The following HFM1 variants were observed in gnomAD, a reference collection of about 807,000 sequenced individuals.
The protein encoded by HFM1 is probable ATP-dependent DNA helicase HFM1.
A neutral mutation model predicts 192.1 loss-of-function variants in HFM1; 169 were observed. The ratio of observed to expected loss-of-function variants is 0.88; its 90% confidence interval spans 0.78 to 1.00. The LOEUF is 1.00. HFM1 is among the 50% of genes least tolerant of loss of function. The probability of loss-of-function intolerance (pLI) is 0.00; values close to 1 mark genes in which losing one functional copy is unlikely to be tolerated. For synonymous variants in HFM1, 525 were observed against 537.8 expected, an observed-to-expected ratio of 0.98 and a Z score of 0.33; for missense variants, 1,661 against 1,668.0, an observed-to-expected ratio of 1.00 and a Z score of 0.07.
chr1:91,373,514 T>G (rs2101946670), intron 13 of HFM1, among the ~76,000 whole-genome samples: 1 of 152,204 alleles, frequency 6.6e-6, no homozygotes, highest in Non-Finnish European at 1.5e-5. Context: ...CATGCTAAAT[T>G]GTAATCTCCA....
At chr1:91,265,876 T>C (rs1665715612) in intron 36 of HFM1, 141 bp downstream of exon 36, 1 of 1,126,040 alleles carries the variant, frequency 8.9e-7, no homozygotes. Context: ...CTTTGAGAAA[T>C]ACACCTCTAA....
chr1:91,407,181 G>C (rs1664843570), upstream of HFM1, among the ~76,000 whole-genome samples: 1 of 151,998 alleles, frequency 6.6e-6, no homozygotes, highest in Non-Finnish European at 1.5e-5. Context: ...TTCAGGGAGG[G>C]GAACTTCACA....
chr1:91,372,976 T>G (rs1473761040), intron 13 of HFM1, among the ~76,000 whole-genome samples: 2 of 152,124 alleles, frequency 1.3e-5, no homozygotes, highest in Non-Finnish European at 2.9e-5. Context: ...AAAGAACTAC[T>G]CTACATGCTT....
chr1:91,405,455 G>A (rs1034333965), upstream of HFM1, among the ~76,000 whole-genome samples: 2 of 152,196 alleles, frequency 1.3e-5, no homozygotes, highest in Non-Finnish European at 2.9e-5. Flanking sequence ...ACGAATCAAT[G>A]ATGCTTTTCT....
At chr1:91,272,266 A>G (rs945937668) in intron 34 of HFM1, among the ~76,000 whole-genome samples, 8 of 152,060 alleles carry the variant, frequency 5.3e-5, no homozygotes, top group African/African-American at 1.9e-4. Flanking sequence ...ACTTAGACAA[A>G]GTGGTTAAGT....
At chr1:91,287,112 T>C (rs1054023814) in intron 30 of HFM1, among the ~76,000 whole-genome samples, 1 of 152,144 alleles carries the variant, frequency 6.6e-6, no homozygotes, top group African/African-American at 2.4e-5. Flanking sequence ...CCAGGATTGC[T>C]TAGGTAAACA....
chr1:91,331,733 T>C (rs1653852468), intron 20 of HFM1, among the ~76,000 whole-genome samples: 1 of 152,004 alleles, frequency 6.6e-6, no homozygotes, highest in Non-Finnish European at 1.5e-5. Flanking sequence ...CTGTCTCTAG[T>C]AAAAATACAA....
intron 32 of HFM1, among the ~76,000 whole-genome samples, chr1:91,275,695 A>T (rs1367282848): frequency 6.6e-6 from 1 of 152,132 alleles, no homozygotes; most frequent in Non-Finnish European, 1.5e-5. Flanking sequence ...TCTACCTCTG[A>T]AAAATATTTT....
chr1:91,401,131 G>T, intron 1 of HFM1, 22 bp from the exon 2 acceptor site: 2 of 1,008,548 alleles, frequency 2.0e-6, no homozygotes, highest in East Asian at 2.9e-5. Context: ...GGAAAAAGTA[G>T]TTTATATTTT....
intron 6 of HFM1, 41 bp downstream of exon 6, chr1:91,385,145 TA>T (rs775812860): frequency 1.8e-6 from 2 of 1,123,158 alleles, no homozygotes; most frequent in Non-Finnish European, 2.6e-6. Flanking sequence ...AATTATGATT[TA>T]ATAAATACAA....
chr1:91,402,918 C>T (rs1664454199), intron 1 of HFM1, among the ~76,000 whole-genome samples: 1 of 152,142 alleles, frequency 6.6e-6, no homozygotes, highest in South Asian at 2.1e-4. Flanking sequence ...GTTGCATAAA[C>T]TGACAAAAAC....
rs1420293005 is a variant in HFM1, at chr1:91,400,684, A to G, written c.71+328T>C. On this transcript the variant is annotated intron_variant, in intron 2 of 38. Transcript: ENST00000370425. ...CTTTTAGTAGAGACAGGGTTTCACC[A>G]TGTTGGCTAGGCTGGTCTTGAACTC... Among the ~76,000 whole-genome samples the G allele has an allele frequency of 2.0e-5, 3 of 152,092 alleles. No homozygotes were observed. In the East Asian group the frequency reaches 5.8e-4, roughly 29 times the overall value.
At chr1:91,297,409 T>A (rs1460023438) in intron 30 of HFM1, among the ~76,000 whole-genome samples, 1 of 152,142 alleles carries the variant, frequency 6.6e-6, no homozygotes, top group Non-Finnish European at 1.5e-5. Flanking sequence ...TCTGCAGACT[T>A]AAATGTCCCT....
intron 13 of HFM1, among the ~76,000 whole-genome samples, chr1:91,357,172 T>A (rs1375104800): frequency 6.6e-6 from 1 of 152,146 alleles, no homozygotes; most frequent in African/African-American, 2.4e-5. Flanking sequence ...GGCTAGTATC[T>A]CTGATGAATA....
chr1:91,305,567 CT>C (rs889187305), intron 30 of HFM1, among the ~76,000 whole-genome samples: 3 of 150,766 alleles, frequency 2.0e-5, no homozygotes, highest in South Asian at 2.1e-4. Context: ...TTATTTATTT[CT>C]TTTTTTTTCT....
intron 20 of HFM1, among the ~76,000 whole-genome samples, chr1:91,330,491 T>TGA: frequency 6.6e-6 from 1 of 152,168 alleles, no homozygotes; most frequent in African/African-American, 2.4e-5. Flanking sequence ...TAATAAGTAA[T>TGA]GAGATTGAAA....
chr1:91,310,683 A>T (rs1183794545), intron 30 of HFM1, among the ~76,000 whole-genome samples: 1 of 152,186 alleles, frequency 6.6e-6, no homozygotes, highest in Non-Finnish European at 1.5e-5. Context: ...TATTCTCCTG[A>T]TAGTGAATAA....
chr1:91,338,809 T>G (rs1459348479), intron 20 of HFM1, among the ~76,000 whole-genome samples: 1 of 152,132 alleles, frequency 6.6e-6, no homozygotes, highest in East Asian at 1.9e-4. Flanking sequence ...CCACCACTGG[T>G]GCACATACCC....
Position 91,313,261 on chromosome 1 carries a change from T to C in HFM1, c.3391+88A>G, listed in dbSNP as rs80174937. ...ATATCTTATTCCAGAGTATCCTCAA[T>C]CTGAGTGTTGCAGTACTATAACACT... On this transcript the variant is annotated intron_variant, in intron 30 of 38. Transcript: ENST00000370425. 458 of 643,302 alleles carry C rather than the reference T, an allele frequency of 7.1e-4. 2 individuals are homozygous for C. The highest frequency in any genetic ancestry group is 2.2e-3 in the Middle Eastern group (5 of 2,270). 39.8% of individuals were successfully genotyped at this position (643,302 alleles called of 1,614,324 possible).
Sources: gnomAD v4.1 joint callset for allele counts (sites outside exome capture counted in the v4.1 genomes callset) on GRCh38, gnomAD v4.1.1 for gene constraint, MANE v1.5 for transcripts, NCBI Gene and HGNC (gene_info 2026-07-23, HGNC 2026-07-21) for gene names.